The following MAGI1 variants were observed in gnomAD, a reference collection of about 807,000 sequenced individuals.
MAGI1 encodes the protein membrane-associated guanylate kinase, WW and PDZ domain-containing protein 1.
In MAGI1, 58 loss-of-function variants were observed where a neutral mutation model predicts 139.9. The ratio of observed to expected loss-of-function variants is 0.41; its 90% confidence interval spans 0.34 to 0.52. The LOEUF is 0.52. Ranked by LOEUF, MAGI1 falls within the 20% of genes least tolerant of loss-of-function variation. MAGI1 has a pLI of 0.12. For missense variants in MAGI1, 1,874 were observed against 1,901.6 expected, an observed-to-expected ratio of 0.99 and a Z score of 0.27; for synonymous variants, 812 against 737.9, an observed-to-expected ratio of 1.10 and a Z score of -1.63.
intron 1 of MAGI1, among the ~76,000 whole-genome samples, chr3:66,019,140 T>A (rs2067830887): frequency 6.6e-6 from 1 of 152,218 alleles, no homozygotes; most frequent in Non-Finnish European, 1.5e-5. Context: ...GTGGAACAGA[T>A]AATAGGCAGG....
rs1331514262 is a variant in MAGI1, at chr3:65,478,759, A to T, written c.590T>A (p.Val197Asp). 1 of 1,614,020 alleles carries T rather than the reference A, an allele frequency of 6.2e-7. No homozygotes were observed. Among genetic ancestry groups the T allele is most frequent in the Non-Finnish European group, 8.5e-7 (1 of 1,179,984 alleles). ...ATCCGTCGTGATCACTTTCCCACTG[A>T]CTGGCTGGCTAGGAGGCTTGGGTGT... is the stretch of plus-strand genomic sequence containing the variant. ...YGTPKPPSQP[V>D]SGKVITTDAL... The change falls in exon 4 of 23, where the codon GTC becomes GAC. Residue 197 changes from valine to aspartate, a missense_variant. Physicochemically the swap from Val to Asp is radical, Grantham distance 152. Coordinates refer to ENST00000402939, the MANE Select transcript of MAGI1 (RefSeq NM_001033057.2).
In MAGI1 at chr3:65,587,910, T is replaced by G. The variant is rs559574822; in HGVS notation, c.430+34062A>C. Among the ~76,000 whole-genome samples the G allele has an allele frequency of 1.6e-4, 25 of 152,222 alleles. 1 individual carries two copies. Among genetic ancestry groups the G allele is most frequent in the Admixed American group, 1.6e-3 (25 of 15,288 alleles). On this transcript the variant is annotated intron_variant, in intron 2 of 22. Coordinates refer to ENST00000402939, the MANE Select transcript of MAGI1 (RefSeq NM_001033057.2). ...CAGAAGCACTCAATCAGGGAGTAAT[T>G]CTACAAAATGTATGGCAAGCCTGAG...
intron 1 of MAGI1, among the ~76,000 whole-genome samples, chr3:65,891,908 A>ATG (rs2060778525): frequency 2.6e-5 from 2 of 76,360 alleles, no homozygotes; most frequent in Admixed American, 1.2e-4. Flanking sequence ...ATATATATAT[A>ATG]TATATATATA....
At chr3:65,390,367 A>G (rs1403420134) in intron 14 of MAGI1, among the ~76,000 whole-genome samples, 2 of 152,168 alleles carry the variant, frequency 1.3e-5, no homozygotes, top group South Asian at 2.1e-4. Flanking sequence ...CACCCTGACC[A>G]TTATAAGAAA....
intron 10 of MAGI1, 92 bp from the exon 11 acceptor site, chr3:65,430,973 C>A (rs4688566): frequency 1 from 1,237,610 of 1,238,552 alleles, 618,336 homozygotes; most frequent in East Asian, 1. Flanking sequence ...TAATTCTTCA[C>A]GCTTATGCCC....
intron 2 of MAGI1, among the ~76,000 whole-genome samples, chr3:65,530,720 T>G (rs1260256768): frequency 2.9e-5 from 4 of 137,576 alleles, no homozygotes; most frequent in African/African-American, 5.6e-5. Flanking sequence ...CGTGTATATA[T>G]ATACACACGT....
At chr3:65,464,643 A>G (rs1950052786) in intron 5 of MAGI1, among the ~76,000 whole-genome samples, 1 of 152,146 alleles carries the variant, frequency 6.6e-6, no homozygotes, top group Non-Finnish European at 1.5e-5. Context: ...TACTTTCAAC[A>G]TACCTATATT....
chr3:66,036,301 A>T (rs2068914698), intron 1 of MAGI1, among the ~76,000 whole-genome samples: 1 of 152,230 alleles, frequency 6.6e-6, no homozygotes, highest in Admixed American at 6.5e-5. Context: ...CCCACAGGAA[A>T]GCCAGTGTGA....
At chr3:65,399,873 G>T (rs189726033) in intron 13 of MAGI1, among the ~76,000 whole-genome samples, 5 of 152,244 alleles carry the variant, frequency 3.3e-5, no homozygotes, top group Admixed American at 3.3e-4. Context: ...ATGCAAAATG[G>T]AAAAGAACAC....
chr3:65,365,120 C>A, intron 18 of MAGI1, 174 bp from the exon 19 acceptor site: 2 of 760,700 alleles, frequency 2.6e-6, no homozygotes, highest in South Asian at 1.4e-5. Context: ...ATTTTAAGAT[C>A]TTCTCTGATG....
intron 1 of MAGI1, among the ~76,000 whole-genome samples, chr3:65,814,616 T>C (rs2041487875): frequency 6.6e-6 from 1 of 152,216 alleles, no homozygotes; most frequent in Non-Finnish European, 1.5e-5. Flanking sequence ...AAGCACTTCA[T>C]TTCTTAAGCA....
chr3:66,000,819 T>C (rs1357751537), intron 1 of MAGI1, among the ~76,000 whole-genome samples: 1 of 152,236 alleles, frequency 6.6e-6, no homozygotes, highest in Non-Finnish European at 1.5e-5. Flanking sequence ...GGGCAGCAAT[T>C]ATTATCCTCT....
At chr3:66,013,760 C>CAAAAA (rs372862676) in intron 1 of MAGI1, among the ~76,000 whole-genome samples, 1 of 81,538 alleles carries the variant, frequency 1.2e-5, no homozygotes, top group Non-Finnish European at 2.5e-5. Flanking sequence ...GACTCTGTCT[C>CAAAAA]AAAAAAAAAA....
intron 1 of MAGI1, among the ~76,000 whole-genome samples, chr3:65,739,089 C>T (rs973218682): frequency 6.6e-6 from 1 of 152,164 alleles, no homozygotes; most frequent in Admixed American, 6.5e-5. Context: ...CTGTTTCATC[C>T]GCACTGAAAA....
chr3:65,599,359 T>C (rs1057291571), intron 2 of MAGI1, among the ~76,000 whole-genome samples: 1 of 152,182 alleles, frequency 6.6e-6, no homozygotes, highest in Non-Finnish European at 1.5e-5. Context: ...AAATAAATGT[T>C]GTTCCTTCAT....
intron 2 of MAGI1, among the ~76,000 whole-genome samples, chr3:65,506,297 C>G (rs1338243632): frequency 1.3e-5 from 2 of 152,120 alleles, no homozygotes; most frequent in Admixed American, 1.3e-4. Flanking sequence ...AATGCTTAAC[C>G]TGGTCATAAT....
At chr3:65,894,259 G>C (rs1203299182) in intron 1 of MAGI1, among the ~76,000 whole-genome samples, 1 of 152,170 alleles carries the variant, frequency 6.6e-6, no homozygotes, top group Admixed American at 6.5e-5. Context: ...AGTTCAGAAA[G>C]GCTATGTGAT....
chr3:65,867,552 T>C (rs1014892494), intron 1 of MAGI1, among the ~76,000 whole-genome samples: 15 of 152,010 alleles, frequency 9.9e-5, no homozygotes, highest in Non-Finnish European at 1.5e-5. Context: ...CTAGGCAACA[T>C]ATGGAGACCC....
chr3:65,748,002 A>G (rs2035842450), intron 1 of MAGI1, among the ~76,000 whole-genome samples: 1 of 152,114 alleles, frequency 6.6e-6, no homozygotes, highest in Non-Finnish European at 1.5e-5. Context: ...GGCTCTAAAC[A>G]CAGTTTTTAA....
Sources: allele counts gnomAD v4.1 joint callset (sites outside exome capture counted in the v4.1 genomes callset), GRCh38; gene constraint gnomAD v4.1.1; transcripts MANE v1.5; gene names NCBI Gene and HGNC (gene_info 2026-07-23, HGNC 2026-07-21).